ITSN1: variants seen among roughly 807,000 people sequenced by gnomAD.
ITSN1 encodes the protein intersectin 1.
Under a neutral mutation model 239.8 loss-of-function variants are expected in ITSN1, and 58 were observed. The observed-to-expected ratio is 0.24, with a 90% CI of 0.20 to 0.30. The LOEUF (loss-of-function observed/expected upper bound fraction) is 0.30, where lower values mean the gene tolerates loss of function less well. Among genes scored for constraint, ITSN1 ranks in the 10% least tolerant of loss-of-function variants. The pLI is 1.00. For missense variants in ITSN1, 1,558 were observed against 2,103.3 expected (o/e 0.74, Z 5.07); for synonymous variants, 780 against 770.8 (o/e 1.01, Z -0.20).
Position 33,704,450 on chromosome 21 carries a change from A to G in ITSN1, c.-32-14347A>G, listed in dbSNP as rs956216877. ...CTCTTTGGTGAAGTTCGTATTCCTA[A>G]AAGTATGAGGTTATCATCATGGGCT... On this transcript the variant is annotated intron_variant, in intron 1 of 39. Coordinates refer to ENST00000381318, the MANE Select transcript of ITSN1 (RefSeq NM_003024.3). Among the ~76,000 whole-genome samples, 9 of 152,264 alleles carry G rather than the reference A, an allele frequency of 5.9e-5. No individual in the cohort carries two copies. The East Asian group carries it at 9.6e-4, about 16-fold the overall frequency.
At chr21:33,697,861 G>C (rs750882310) in intron 1 of ITSN1, among the ~76,000 whole-genome samples, 1 of 152,146 alleles carries the variant, frequency 6.6e-6, no homozygotes, top group Non-Finnish European at 1.5e-5. Flanking sequence ...ATCTGCATCT[G>C]TAGGGCTCTA....
chr21:33,647,052 A>T (rs549952054), intron 1 of ITSN1, among the ~76,000 whole-genome samples: 37 of 152,282 alleles, frequency 2.4e-4, no homozygotes, highest in Middle Eastern at 6.8e-3. Context: ...TTTTAATTGA[A>T]TGACTAGACT....
chr21:33,788,249 C>G (rs533324078), intron 16 of ITSN1, among the ~76,000 whole-genome samples: 1 of 152,266 alleles, frequency 6.6e-6, no homozygotes, highest in African/African-American at 2.4e-5. Context: ...GCAGAGAGGA[C>G]AAGAGCTTCT....
Position 33,768,722 on chromosome 21 carries a change from A to G in ITSN1, c.1042+894A>G, listed in dbSNP as rs143475313. 2.5e-3 allele frequency among the ~76,000 whole-genome samples: 377 copies of G among 152,342 alleles called. 2 individuals are homozygous for G. The highest frequency in any genetic ancestry group is 8.8e-3 in the African/African-American group (367 of 41,574). On this transcript the variant is annotated intron_variant, in intron 11 of 39. Transcript: ENST00000381318. Reference sequence around the variant, plus strand: ...AATTATGGAGTCTTTTATGATAAATACTTTGTCAGTGTCATTTTGCTGCAT... The same window carrying G: ...AATTATGGAGTCTTTTATGATAAATGCTTTGTCAGTGTCATTTTGCTGCAT...
intron 7 of ITSN1, among the ~76,000 whole-genome samples, chr21:33,754,725 G>A (rs2067795482): frequency 6.6e-6 from 1 of 152,158 alleles, no homozygotes; most frequent in African/African-American, 2.4e-5. Flanking sequence ...TTCCCACTCT[G>A]CTTATGTGTG....
intron 2 of ITSN1, among the ~76,000 whole-genome samples, chr21:33,719,689 G>C (rs1161266237): frequency 6.6e-6 from 1 of 152,154 alleles, no homozygotes; most frequent in Non-Finnish European, 1.5e-5. Flanking sequence ...TTGTTGAAGT[G>C]ATGGGGTCAT....
chr21:33,705,140 TTTAA>T (rs949771374), intron 1 of ITSN1, among the ~76,000 whole-genome samples: 15 of 151,038 alleles, frequency 9.9e-5, no homozygotes, highest in Non-Finnish European at 2.2e-4. Flanking sequence ...GACAAAATGT[TTTAA>T]TGAGGAGATA....
chr21:33,785,406 T>C (rs2070581003), intron 16 of ITSN1, among the ~76,000 whole-genome samples: 2 of 152,206 alleles, frequency 1.3e-5, no homozygotes, highest in Admixed American at 1.3e-4. Context: ...TATAAGACAG[T>C]GATTAGGAAG....
At chr21:33,724,097 T>TG (rs2065670891) in intron 4 of ITSN1, among the ~76,000 whole-genome samples, 2 of 150,542 alleles carry the variant, frequency 1.3e-5, no homozygotes, top group Non-Finnish European at 3.0e-5. Flanking sequence ...GTGTGTGTGT[T>TG]TGTGTGTGTG....
At chr21:33,770,867 G>A (rs1439902530) in intron 11 of ITSN1, among the ~76,000 whole-genome samples, 1 of 150,862 alleles carries the variant, frequency 6.6e-6, no homozygotes, top group East Asian at 2.0e-4. Context: ...AGCTTTAAGC[G>A]ATTCTCCTGT....
intron 1 of ITSN1, among the ~76,000 whole-genome samples, chr21:33,676,526 C>A (rs993794504): frequency 6.6e-6 from 1 of 152,214 alleles, no homozygotes; most frequent in African/African-American, 2.4e-5. Flanking sequence ...CCGTGCCCAG[C>A]CTCTGCCACA....
At position 33,888,752 on chromosome 21, in the gene ITSN1, T is replaced by C. The variant is rs1236847496; in HGVS notation, c.*452T>C. On this transcript the variant is annotated 3_prime_UTR_variant, in exon 40 of 40. Transcript: ENST00000381318. ...TTGGCCTACAATGCCCAGTCCTTGG[T>C]GTGAGTTTAGAAACAATTATGACGG... The C allele has an allele frequency of 2.0e-5, 3 of 153,694 alleles. No homozygotes were observed. The highest frequency in any genetic ancestry group is 7.2e-5 in the African/African-American group (3 of 41,484). 9.5% of individuals were successfully genotyped at this position (153,694 alleles called of 1,614,324 possible).
At position 33,750,124 on chromosome 21, in the gene ITSN1, A is replaced by G. The variant is rs1392810855; in HGVS notation, c.347-19A>G. 7 of 1,611,824 alleles carry G rather than the reference A, an allele frequency of 4.3e-6. No individual in the cohort carries two copies. The African/African-American group carries it at 9.3e-5, about 22-fold the overall frequency. ...ATGTGATTGGATGTGAATGGTGTTG[A>G]GCTGTTTTTTCTTCATAGGTATGGG... is the stretch of plus-strand genomic sequence containing the variant. On this transcript the variant is annotated intron_variant, in intron 5 of 39. Coordinates refer to ENST00000381318, the MANE Select transcript of ITSN1 (RefSeq NM_003024.3).
chr21:33,682,280 A>G (rs1215131505), intron 1 of ITSN1, among the ~76,000 whole-genome samples: 1 of 150,470 alleles, frequency 6.6e-6, no homozygotes, highest in African/African-American at 2.5e-5. Flanking sequence ...CAATGGCGCA[A>G]TCTCAGCTCA....
At chr21:33,837,705 G>C in intron 29 of ITSN1, 1 of 985,878 alleles carries the variant, frequency 1.0e-6, no homozygotes, top group African/African-American at 1.7e-5. Context: ...CTATTACCTT[G>C]TACGATGCTC....
At chr21:33,753,631 G>A (rs529693972) in intron 7 of ITSN1, among the ~76,000 whole-genome samples, 3 of 151,566 alleles carry the variant, frequency 2.0e-5, no homozygotes, top group South Asian at 2.1e-4. Flanking sequence ...GCGTGGTGGC[G>A]GGCACCTGTA....
At chr21:33,768,466 A>G (rs1293183219) in intron 11 of ITSN1, among the ~76,000 whole-genome samples, 2 of 152,080 alleles carry the variant, frequency 1.3e-5, no homozygotes, top group Non-Finnish European at 2.9e-5. Context: ...TTTTTAGTAG[A>G]GATGGGGTTT....
chr21:33,674,393 C>T (rs1156259969), intron 1 of ITSN1, among the ~76,000 whole-genome samples: 1 of 152,180 alleles, frequency 6.6e-6, no homozygotes, highest in African/African-American at 2.4e-5. Flanking sequence ...ATCTAGCATG[C>T]ATTCACTGGA....
chr21:33,873,986 C>T (rs1226780962), intron 33 of ITSN1, among the ~76,000 whole-genome samples: 1 of 150,976 alleles, frequency 6.6e-6, no homozygotes, highest in Non-Finnish European at 1.5e-5. Flanking sequence ...CATGGTGAAA[C>T]CCCCATCTCT....
Sources: gnomAD v4.1 joint callset for allele counts (sites outside exome capture counted in the v4.1 genomes callset) on GRCh38, gnomAD v4.1.1 for gene constraint, MANE v1.5 for transcripts, NCBI Gene and HGNC (gene_info 2026-07-23, HGNC 2026-07-21) for gene names.